The following PDK1 variants were observed in gnomAD, a reference collection of about 807,000 sequenced individuals.
PDK1 encodes the protein pyruvate dehydrogenase kinase 1.
In PDK1, 39 loss-of-function variants were observed where a neutral mutation model predicts 54.2. The observed-to-expected ratio is 0.72, with a 90% CI of 0.56 to 0.94. PDK1 has a LOEUF of 0.94. PDK1 is among the 40% of genes least tolerant of loss of function. PDK1 has a pLI of 0.00. For missense variants in PDK1, 552 were observed against 566.0 expected (o/e 0.98, Z 0.25); for synonymous variants, 221 against 207.1 (o/e 1.07, Z -0.58).
the PDK1 span, among the ~76,000 whole-genome samples, chr2:172,621,835 C>A: frequency 1.7e-5 from 2 of 120,954 alleles, no homozygotes; most frequent in Non-Finnish European, 3.6e-5. Flanking sequence ...ATGTTTATAT[C>A]TCATATGTAT....
chr2:172,642,836 C>G, the PDK1 span, among the ~76,000 whole-genome samples: 1 of 151,386 alleles, frequency 6.6e-6, no homozygotes. Flanking sequence ...CCTCCTCTTC[C>G]TCTTCCTTCT....
chr2:172,654,492 G>T, the PDK1 span, among the ~76,000 whole-genome samples: 253 of 151,932 alleles, frequency 1.7e-3, 5 homozygotes, highest in East Asian at 0.044. Context: ...CCATCATTCT[G>T]AGCAAACTAT....
chr2:172,591,011 GC>G (rs1690544473), intron 9 of PDK1, among the ~76,000 whole-genome samples: 1 of 152,168 alleles, frequency 6.6e-6, no homozygotes, highest in South Asian at 2.1e-4. Context: ...CAAAGAAGGG[GC>G]CCTGCAGTTG....
At chr2:172,685,102 T>C in the PDK1 span, among the ~76,000 whole-genome samples, 8,594 of 152,284 alleles carry the variant, frequency 0.056, 1,018 homozygotes, top group East Asian at 0.54. Flanking sequence ...GATTGTAAGT[T>C]TCCCAAGGCC....
chr2:172,639,770 C>G, the PDK1 span, among the ~76,000 whole-genome samples: 1 of 152,076 alleles, frequency 6.6e-6, no homozygotes, highest in Non-Finnish European at 1.5e-5. Context: ...GGATTAGTGC[C>G]ATCTTTTGGG....
the PDK1 span, among the ~76,000 whole-genome samples, chr2:172,669,815 C>A: frequency 6.6e-6 from 1 of 152,184 alleles, no homozygotes; most frequent in Non-Finnish European, 1.5e-5. Context: ...CGAGAGACAT[C>A]TGGTTGAGTC....
chr2:172,584,212 G>GT (rs140037972), intron 8 of PDK1, among the ~76,000 whole-genome samples: 5,723 of 151,954 alleles, frequency 0.038, 261 homozygotes, highest in East Asian at 0.21. Context: ...AAATTATACT[G>GT]TTTTTTTCCT....
the PDK1 span, among the ~76,000 whole-genome samples, chr2:172,620,081 G>C: frequency 1.3e-5 from 2 of 152,202 alleles, no homozygotes; most frequent in Admixed American, 6.5e-5. Flanking sequence ...CAGGAGAATT[G>C]CTTGAGCCTG....
At chr2:172,652,871 A>G in the PDK1 span, among the ~76,000 whole-genome samples, 2 of 152,322 alleles carry the variant, frequency 1.3e-5, no homozygotes, top group Non-Finnish European at 2.9e-5. Flanking sequence ...GGAAGAATCA[A>G]GATCGTGAAA....
chr2:172,590,542 T>A (rs1690508121), intron 9 of PDK1, among the ~76,000 whole-genome samples: 2 of 152,054 alleles, frequency 1.3e-5, no homozygotes, highest in Admixed American at 1.3e-4. Context: ...TTCCTCCTGG[T>A]GGGTTCATGG....
the PDK1 span, among the ~76,000 whole-genome samples, chr2:172,703,466 A>G: frequency 6.6e-6 from 1 of 152,188 alleles, no homozygotes; most frequent in African/African-American, 2.4e-5. Flanking sequence ...ATTAAATACC[A>G]TAAGACACCT....
At chr2:172,673,179 G>A in the PDK1 span, among the ~76,000 whole-genome samples, 1 of 152,162 alleles carries the variant, frequency 6.6e-6, no homozygotes, top group African/African-American at 2.4e-5. Flanking sequence ...TACTTCCCGG[G>A]TCTTGCATCT....
the PDK1 span, among the ~76,000 whole-genome samples, chr2:172,670,141 C>T: frequency 6.6e-6 from 1 of 152,214 alleles, no homozygotes; most frequent in Non-Finnish European, 1.5e-5. Flanking sequence ...CAGCCTTCAC[C>T]TCCCGGGCTC....
chr2:172,587,652 C>T (rs111423746), intron 9 of PDK1, among the ~76,000 whole-genome samples: 5,034 of 149,930 alleles, frequency 0.034, 131 homozygotes, highest in Admixed American at 0.091. Context: ...GAGTGGCTTG[C>T]CGCTGCTGGC....
chr2:172,667,659 G>A, the PDK1 span, among the ~76,000 whole-genome samples: 1 of 152,154 alleles, frequency 6.6e-6, no homozygotes, highest in Non-Finnish European at 1.5e-5. Context: ...AAGACCATCT[G>A]ATAAAACATT....
Position 172,602,904 on chromosome 2 carries a change from T to A in PDK1, c.*6935T>A, listed in dbSNP as rs1691161262. 1 of 152,216 alleles carries A rather than the reference T, an allele frequency of 6.6e-6. No individual in the cohort carries two copies. Among genetic ancestry groups the A allele is most frequent in the Admixed American group, 6.5e-5 (1 of 15,280 alleles). 9.4% of individuals were successfully genotyped at this position (152,216 alleles called of 1,614,324 possible). A position where few individuals can be genotyped will look rare whatever the true frequency, so the allele number is the denominator to read the frequency against. ...CCACCCATTAAGAACCATCAGGTGA[T>A]GCCTCATTTGCTGTGGTGCACAGCT... On this transcript the variant is annotated 3_prime_UTR_variant, in exon 11 of 11. Coordinates refer to ENST00000282077, the MANE Select transcript of PDK1 (RefSeq NM_002610.5).
chr2:172,681,521 T>A, the PDK1 span, among the ~76,000 whole-genome samples: 1 of 152,248 alleles, frequency 6.6e-6, no homozygotes, highest in Non-Finnish European at 1.5e-5. Flanking sequence ...CTTCTGTCAT[T>A]CATTCATTCA....
In PDK1 at chr2:172,608,507, A is replaced by G. The variant is rs1389373459; in HGVS notation, c.*12538A>G. The G allele has an allele frequency of 1.3e-5, 2 of 152,170 alleles. No homozygotes were observed. Among genetic ancestry groups the G allele is most frequent in the Admixed American group, 6.5e-5 (1 of 15,278 alleles). 9.4% of individuals were successfully genotyped at this position (152,170 alleles called of 1,614,324 possible). ...AATTTCCATCATGTTAAATTGTACAACTGTTTATCATTCACTCTGCTGTAA... is the reference window on the plus strand; with the variant it reads ...AATTTCCATCATGTTAAATTGTACAGCTGTTTATCATTCACTCTGCTGTAA... On this transcript the variant is annotated 3_prime_UTR_variant, in exon 11 of 11. Coordinates refer to ENST00000282077, the MANE Select transcript of PDK1 (RefSeq NM_002610.5).
chr2:172,631,779 A>G, the PDK1 span, among the ~76,000 whole-genome samples: 1,049 of 152,284 alleles, frequency 6.9e-3, 10 homozygotes, highest in African/African-American at 0.022. Flanking sequence ...TTAGCTGTCA[A>G]TATCAACCCA....
Sources: gnomAD v4.1 joint callset for allele counts (sites outside exome capture counted in the v4.1 genomes callset) on GRCh38, gnomAD v4.1.1 for gene constraint, MANE v1.5 for transcripts, NCBI Gene and HGNC (gene_info 2026-07-23, HGNC 2026-07-21) for gene names.